The following EPS15L1 variants were observed in gnomAD, a reference collection of about 807,000 sequenced individuals.
EPS15L1 encodes epidermal growth factor receptor substrate 15-like 1.
A neutral mutation model predicts 117.1 loss-of-function variants in EPS15L1; 43 were observed. The observed-to-expected ratio is 0.37, with a 90% confidence interval of 0.29 to 0.47. The LOEUF (loss-of-function observed/expected upper bound fraction) is 0.47, where lower values mean the gene tolerates loss of function less well. EPS15L1 is among the 20% of genes least tolerant of loss of function. The pLI is 0.99. For synonymous variants in EPS15L1, 459 were observed against 470.5 expected (o/e 0.98, Z 0.32); for missense variants, 981 against 1,164.0 (o/e 0.84, Z 2.29).
rs1046853292 is a variant in EPS15L1, at chr19:16,371,386, T to C, written c.2380+5736A>G. Reference sequence around the variant, plus strand: ...GCAAGGGGAAGAATGACTTTTGTCTTCTTCTTTTGTTGAGAGAGCTGCTCA... The same window carrying C: ...GCAAGGGGAAGAATGACTTTTGTCTCCTTCTTTTGTTGAGAGAGCTGCTCA... On this transcript the variant is annotated intron_variant, in intron 22 of 23. Coordinates refer to ENST00000455140, the MANE Select transcript of EPS15L1 (RefSeq NM_001258374.3). The surrounding 1 kb of genome is among the most constrained non-coding windows in gnomAD (Gnocchi z 4.7). 2.2e-4 allele frequency among the ~76,000 whole-genome samples: 34 copies of C among 152,258 alleles called. No homozygotes were observed. Among genetic ancestry groups the C allele is most frequent in the South Asian group, 8.3e-4 (4 of 4,822 alleles).
rs1189515339 is a variant in EPS15L1, at chr19:16,371,020, C to T, written c.2380+6102G>A. Among the ~76,000 whole-genome samples, 2 of 152,218 alleles carry T rather than the reference C, an allele frequency of 1.3e-5. No individual in the cohort carries two copies. Among genetic ancestry groups the T allele is most frequent in the Non-Finnish European group, 2.9e-5 (2 of 68,040 alleles). ...ATTGTAGAATTTCACATGTACCCACCGGATTATCTCTCTGAGATCATCGTG... is the reference window on the plus strand; with the variant it reads ...ATTGTAGAATTTCACATGTACCCACTGGATTATCTCTCTGAGATCATCGTG... On this transcript the variant is annotated intron_variant, in intron 22 of 23. Coordinates refer to ENST00000455140, the MANE Select transcript of EPS15L1 (RefSeq NM_001258374.3). The surrounding 1 kb of genome is among the most constrained non-coding windows in gnomAD (Gnocchi z 4.7).
intron 20 of EPS15L1, among the ~76,000 whole-genome samples, chr19:16,385,574 T>C (rs887403595): frequency 6.6e-6 from 1 of 152,192 alleles, no homozygotes; most frequent in Non-Finnish European, 1.5e-5. Flanking sequence ...GGGTGGTGTC[T>C]TTGGATAGAG....
chr19:16,363,057 C>G (rs1280577240), intron 22 of EPS15L1, among the ~76,000 whole-genome samples: 1 of 152,176 alleles, frequency 6.6e-6, no homozygotes, highest in African/African-American at 2.4e-5. Context: ...CCAGAACATT[C>G]CACCAAGAAG....
chr19:16,404,013 T>C lies in EPS15L1; in HGVS notation c.1429-83A>G. The C allele has an allele frequency of 1.5e-6, 2 of 1,320,288 alleles. No individual in the cohort carries two copies. Among genetic ancestry groups the C allele is most frequent in the Non-Finnish European group, 2.1e-6 (2 of 948,058 alleles). 81.8% of individuals were successfully genotyped at this position (1,320,288 alleles called of 1,614,324 possible). A position where few individuals can be genotyped will look rare whatever the true frequency, so the allele number is the denominator to read the frequency against. The stretch of plus-strand genomic sequence containing the variant: ...TCCGAGAAAGAACTCTTAGCCCCCA[T>C]CCCCGAAACAAGCTAAGCCAGGGAC... On this transcript the variant is annotated intron_variant, in intron 14 of 23. Coordinates refer to ENST00000455140, the MANE Select transcript of EPS15L1 (RefSeq NM_001258374.3). This position sits in a 1 kb window ranked among gnomAD's most constrained non-coding sequence, Gnocchi z 4.2.
chr19:16,447,304 A>G (rs895974863), intron 1 of EPS15L1, among the ~76,000 whole-genome samples: 2 of 152,240 alleles, frequency 1.3e-5, no homozygotes, highest in Non-Finnish European at 2.9e-5. Flanking sequence ...GAGCTAAGGT[A>G]AATGTTACCA....
intron 7 of EPS15L1, among the ~76,000 whole-genome samples, chr19:16,431,018 C>A (rs957213972): frequency 6.6e-6 from 1 of 152,120 alleles, no homozygotes; most frequent in South Asian, 2.1e-4. Flanking sequence ...GCAGGCGGAT[C>A]ACCTGAGGCC....
intron 13 of EPS15L1, chr19:16,413,398 A>G: frequency 1.4e-6 from 1 of 709,748 alleles, no homozygotes; most frequent in Non-Finnish European, 2.5e-6. Flanking sequence ...ATCCTGGGCA[A>G]CTTCGACAAG....
chr19:16,425,827 CAAAA>C (rs1248294262), intron 8 of EPS15L1, among the ~76,000 whole-genome samples: 3 of 152,014 alleles, frequency 2.0e-5, no homozygotes, highest in African/African-American at 7.2e-5. Flanking sequence ...CAAAACAAAA[CAAAA>C]AACAGTGGAA....
chr19:16,372,837 C>T (rs182100062), intron 22 of EPS15L1, among the ~76,000 whole-genome samples: 6 of 152,200 alleles, frequency 3.9e-5, no homozygotes, highest in South Asian at 2.1e-4. Flanking sequence ...CCGGGGCCTC[C>T]CTTTCCTCCA....
intron 10 of EPS15L1, among the ~76,000 whole-genome samples, chr19:16,419,151 G>A (rs2092789964): frequency 6.6e-6 from 1 of 152,208 alleles, no homozygotes; most frequent in Admixed American, 6.5e-5. Context: ...GAGGCTCCGC[G>A]ACACTCACAA....
At chr19:16,363,099 G>A (rs374745864) in intron 22 of EPS15L1, among the ~76,000 whole-genome samples, 3 of 151,958 alleles carry the variant, frequency 2.0e-5, no homozygotes, top group East Asian at 3.9e-4. Flanking sequence ...TTGGTGACGG[G>A]AGGTCCCACC....
At position 16,371,972 on chromosome 19, in the gene EPS15L1, G is replaced by A. The variant is rs938691799; in HGVS notation, c.2380+5150C>T. Among the ~76,000 whole-genome samples the A allele has an allele frequency of 2.0e-5, 3 of 152,220 alleles. No individual in the cohort carries two copies. The highest frequency in any genetic ancestry group is 1.3e-4 in the Admixed American group (2 of 15,282). On this transcript the variant is annotated intron_variant, in intron 22 of 23. Coordinates refer to ENST00000455140, the MANE Select transcript of EPS15L1 (RefSeq NM_001258374.3). The surrounding 1 kb of genome is among the most constrained non-coding windows in gnomAD (Gnocchi z 4.7). ...GGGTCTGTGCTGCATCTGCCTGAAAGAAACCAGTTTCTTCTGCCCAAAACA... is the reference window on the plus strand; with the variant it reads ...GGGTCTGTGCTGCATCTGCCTGAAAAAAACCAGTTTCTTCTGCCCAAAACA...
chr19:16,465,044 A>C (rs913593305), intron 1 of EPS15L1, among the ~76,000 whole-genome samples: 7 of 151,372 alleles, frequency 4.6e-5, no homozygotes, highest in South Asian at 4.2e-4. Context: ...GCACCACTGC[A>C]CTCCAGCCTG....
In EPS15L1 at chr19:16,434,357, C is replaced by A; in HGVS notation, c.498+8G>T. Reference sequence around the variant, plus strand: ...AGTGCAGAAGAACCAAGCCCGTGGCCCACTTACCCTGCCCAGGACATCAAG... The same window carrying A: ...AGTGCAGAAGAACCAAGCCCGTGGCACACTTACCCTGCCCAGGACATCAAG... On this transcript the variant is annotated splice_region_variant and intron_variant, in intron 7 of 23. Transcript: ENST00000455140. 6.2e-7 allele frequency: 1 copy of A among 1,612,964 alleles called. No homozygotes were observed. The highest frequency in any genetic ancestry group is 1.1e-5 in the South Asian group (1 of 90,978).
At position 16,373,708 on chromosome 19, in the gene EPS15L1, C is replaced by CT. The variant is rs201650842; in HGVS notation, c.2380+3413dup. Among the ~76,000 whole-genome samples the CT allele has an allele frequency of 5.1e-4, 77 of 152,298 alleles. No individual in the cohort carries two copies. The East Asian group carries it at 0.015, about 29-fold the overall frequency. ...GAAGGGAATTGTACAGAGCCCGGCT[C>CT]TGATTCCCTTGACCAGAGAGCAAGG... On this transcript the variant is annotated intron_variant, in intron 22 of 23. Transcript: ENST00000455140.
At chr19:16,367,923 GTC>G (rs1234544052) in intron 22 of EPS15L1, among the ~76,000 whole-genome samples, 1 of 151,956 alleles carries the variant, frequency 6.6e-6, no homozygotes. Flanking sequence ...GTGAGGTATG[GTC>G]TCAATCAATC....
At chr19:16,392,891 A>G (rs2092492938) in intron 18 of EPS15L1, among the ~76,000 whole-genome samples, 1 of 151,932 alleles carries the variant, frequency 6.6e-6, no homozygotes, top group African/African-American at 2.4e-5. Context: ...TAAAATAAAA[A>G]ATTAGCCAGG....
At chr19:16,367,928 A>T (rs2092161110) in intron 22 of EPS15L1, among the ~76,000 whole-genome samples, 2 of 152,016 alleles carry the variant, frequency 1.3e-5, no homozygotes, top group South Asian at 4.1e-4. Context: ...GTATGGTCTC[A>T]ATCAATCCGA....
Position 16,464,023 on chromosome 19 carries a change from G to T in EPS15L1, c.33+7890C>A, listed in dbSNP as rs572240747. Among the ~76,000 whole-genome samples, 13 of 152,356 alleles carry T rather than the reference G, an allele frequency of 8.5e-5. No individual in the cohort carries two copies. In the South Asian group the frequency reaches 2.7e-3, roughly 32 times the overall value. On this transcript the variant is annotated intron_variant, in intron 1 of 23. Coordinates refer to ENST00000455140, the MANE Select transcript of EPS15L1 (RefSeq NM_001258374.3). ...TGAGGACTGCAGGCCTGGGAAACAC[G>T]GGGAGCAGGTGTGCTGTCAGCTGCC...
Sources: allele counts gnomAD v4.1 joint callset (sites outside exome capture counted in the v4.1 genomes callset), GRCh38; gene constraint gnomAD v4.1.1; non-coding constraint Gnocchi (gnomAD v3.1); transcripts MANE v1.5; gene names NCBI Gene and HGNC (gene_info 2026-07-23, HGNC 2026-07-21).